APOBEC3F: variants seen among roughly 807,000 people sequenced by gnomAD.
The protein encoded by APOBEC3F is DNA dC->dU-editing enzyme APOBEC-3F.
APOBEC3F carries 34 observed loss-of-function variants against 45.8 expected under a neutral mutation model. The ratio of observed to expected loss-of-function variants is 0.74; its 90% CI spans 0.57 to 0.99. APOBEC3F has a LOEUF of 0.99. APOBEC3F is among the 50% of genes least tolerant of loss of function. The probability of loss-of-function intolerance (pLI) is 0.00; values close to 1 mark genes in which losing one functional copy is unlikely to be tolerated. For missense variants in APOBEC3F, 459 were observed against 474.1 expected (o/e 0.97, Z 0.30); for synonymous variants, 192 against 174.4 (o/e 1.10, Z -0.80).
At chr22:39,045,253 G>C in intron 3 of APOBEC3F, 33 bp downstream of exon 3, 5 of 1,607,288 alleles carry the variant, frequency 3.1e-6, no homozygotes, top group Non-Finnish European at 3.4e-6. Flanking sequence ...GAGCGTGAGC[G>C]GGAGGAACAG....
At chr22:39,043,428 G>C (rs1158700964) in intron 2 of APOBEC3F, among the ~76,000 whole-genome samples, 2 of 150,790 alleles carry the variant, frequency 1.3e-5, no homozygotes, top group Non-Finnish European at 2.9e-5. Context: ...AGACTCCCGA[G>C]TAGCTGGGAT....
Position 39,052,693 on chromosome 22 carries a change from T to G in APOBEC3F, c.1120T>G (p.Ter374GlyextTer12), listed in dbSNP as rs1043623974. ...CAGCAAGCTGCAGGAGATTCTCGAG[T>G]GAGGGGTCTCCCCGGGCCTCATGGT... ...LDSKLQEILE[*>G] The change falls in exon 7 of 7, where the codon TGA (stop) becomes GGA (glycine). Residue 374 changes from the stop codon to glycine, a stop_lost. Coordinates refer to ENST00000308521, the MANE Select transcript of APOBEC3F (RefSeq NM_145298.6). 1.2e-6 allele frequency: 2 copies of G among 1,612,324 alleles called. No homozygotes were observed. The highest frequency in any genetic ancestry group is 1.7e-6 in the Non-Finnish European group (2 of 1,178,814).
intron 2 of APOBEC3F, among the ~76,000 whole-genome samples, chr22:39,043,883 G>A (rs1175092793): frequency 1.3e-5 from 2 of 151,702 alleles, no homozygotes; most frequent in Admixed American, 6.6e-5. Flanking sequence ...AAATTAGCCC[G>A]GTGTGGTGGC....
intron 5 of APOBEC3F, among the ~76,000 whole-genome samples, chr22:39,051,671 G>A (rs1043319393): frequency 1.1e-4 from 16 of 152,108 alleles, no homozygotes; most frequent in African/African-American, 3.9e-4. Flanking sequence ...AAGAAAATAA[G>A]GCCATGCATG....
At chr22:39,048,873 T>C (rs1927344569) in intron 4 of APOBEC3F, among the ~76,000 whole-genome samples, 1 of 151,886 alleles carries the variant, frequency 6.6e-6, no homozygotes, top group South Asian at 2.1e-4. Flanking sequence ...TAATCCCAGC[T>C]ACTCAGGAGG....
Position 39,052,147 on chromosome 22 carries a change from A to T in APOBEC3F, c.797A>T (p.Asn266Ile), listed in dbSNP as rs1432945664. The T allele has an allele frequency of 1.2e-6, 2 of 1,613,938 alleles. No homozygotes were observed. Among genetic ancestry groups the T allele is most frequent in the East Asian group, 4.5e-5 (2 of 44,878 alleles). The change falls in exon 6 of 7, where the codon AAC becomes ATC. Residue 266 changes from asparagine to isoleucine, a missense_variant. Asn to Ile is a moderately radical substitution (Grantham distance 149). Transcript: ENST00000308521. ...TTCTGTGACGACATACTGTCTCCTA[A>T]CACAAACTACGAGGTCACCTGGTAC... ...SWFCDDILSP[N>I]TNYEVTWYTS...
Position 39,052,281 on chromosome 22 carries a change from G to T in APOBEC3F, c.931G>T (p.Asp311Tyr), listed in dbSNP as rs1314330782. The change falls in exon 6 of 7, where the codon GAT (aspartate) becomes TAT (tyrosine). Residue 311 changes from aspartate to tyrosine, a missense_variant. Asp to Tyr is a radical substitution (Grantham distance 160). Transcript: ENST00000308521. ...CACCGCCCGCCTCTACTACTTCTGG[G>T]ATACAGATTACCAGGAGGGGCTCCG... ...IFTARLYYFWDTDYQEGLRSL... is the reference protein window; with the variant it reads ...IFTARLYYFWYTDYQEGLRSL... The T allele has an allele frequency of 6.2e-7, 1 of 1,614,222 alleles. No individual in the cohort carries two copies. The highest frequency in any genetic ancestry group is 2.2e-5 in the East Asian group (1 of 44,880).
At position 39,049,453 on chromosome 22, in the gene APOBEC3F, A is replaced by T. The variant is rs1353766305; in HGVS notation, c.595A>T (p.Ile199Leu). 6.2e-7 allele frequency: 1 copy of T among 1,614,070 alleles called. No homozygotes were observed. The highest frequency in any genetic ancestry group is 1.1e-5 in the South Asian group (1 of 91,070). ...CCCGATGGAGGCAATGTATCCACAC[A>T]TATTCTACTTCCACTTTAAAAACCT... is the stretch of plus-strand genomic sequence containing the variant. Reference protein sequence around the residue: ...RNPMEAMYPHIFYFHFKNLRK... With the variant: ...RNPMEAMYPHLFYFHFKNLRK... Residue 199 changes from isoleucine to leucine, a missense_variant, in exon 5 of 7, where the codon ATA becomes TTA. By Grantham distance (5) the Ile-to-Leu change is conservative. Transcript: ENST00000308521.
rs569300570 is a variant in APOBEC3F at position 39,053,588 on chromosome 22, C to T, written c.*893C>T. 1.3e-5 allele frequency: 2 copies of T among 152,214 alleles called. No homozygotes were observed. Among genetic ancestry groups the T allele is most frequent in the African/African-American group, 4.8e-5 (2 of 41,538 alleles). 9.4% of individuals were successfully genotyped at this position (152,214 alleles called of 1,614,324 possible). On this transcript the variant is annotated 3_prime_UTR_variant, in exon 7 of 7. Transcript: ENST00000308521. The stretch of plus-strand genomic sequence containing the variant: ...TGAGATCACGTCACTGAACTCCAGT[C>T]TGAGCAACAGATCGAGACCCTGCCT...
intron 5 of APOBEC3F, among the ~76,000 whole-genome samples, chr22:39,051,750 G>A (rs921883134): frequency 1.3e-5 from 2 of 151,732 alleles, no homozygotes; most frequent in Admixed American, 6.6e-5. Flanking sequence ...CCAAGAGTTC[G>A]AGATCAGCCT....
Position 39,045,327 on chromosome 22 carries a change from G to A in APOBEC3F, c.452-101G>A, listed in dbSNP as rs536127727. 208 of 1,602,496 alleles carry A rather than the reference G, an allele frequency of 1.3e-4. 2 individuals carry two copies. The South Asian group carries it at 1.9e-3, about 15-fold the overall frequency. On this transcript the variant is annotated intron_variant, in intron 3 of 6. Coordinates refer to ENST00000308521, the MANE Select transcript of APOBEC3F (RefSeq NM_145298.6). Reference sequence around the variant, plus strand: ...GTGTCCCAGGGCAGCCTGCAGGGGCGGGGCCAGCACTGACAGCAACTGACA... The same window carrying A: ...GTGTCCCAGGGCAGCCTGCAGGGGCAGGGCCAGCACTGACAGCAACTGACA...
At position 39,049,573 on chromosome 22, in the gene APOBEC3F, C is replaced by G; in HGVS notation, c.715C>G (p.Arg239Gly). The change falls in exon 5 of 7, where the codon CGA becomes GGA. Residue 239 changes from arginine (R) to glycine (G), a missense_variant. Physicochemically the swap from Arg to Gly is moderately radical, Grantham distance 125 (BLOSUM62 -2). Transcript: ENST00000308521. ...SPVSWKRGVFRNQVDPETHCH... is the reference protein window; with the variant it reads ...SPVSWKRGVFGNQVDPETHCH... ...TGTCTCCTGGAAGAGGGGCGTCTTC[C>G]GAAACCAGGTAGCACCAAAGTCCTA... 1 of 1,613,998 alleles carries G rather than the reference C, an allele frequency of 6.2e-7. No homozygotes were observed. Among genetic ancestry groups the G allele is most frequent in the African/African-American group, 1.3e-5 (1 of 75,000 alleles).
rs998624053 is a variant in APOBEC3F, at chr22:39,045,358, G to A, written c.452-70G>A. On this transcript the variant is annotated intron_variant, in intron 3 of 6. Coordinates refer to ENST00000308521, the MANE Select transcript of APOBEC3F (RefSeq NM_145298.6). ...AGCACTGACAGCAACTGACAGCCAGGAGACCAGGCCTGGGAGCGCGGGCCC... is the reference window on the plus strand; with the variant it reads ...AGCACTGACAGCAACTGACAGCCAGAAGACCAGGCCTGGGAGCGCGGGCCC... 6.8e-6 allele frequency: 11 copies of A among 1,610,390 alleles called. No homozygotes were observed. The African/African-American group carries it at 1.1e-4, about 16-fold the overall frequency.
At position 39,045,467 on chromosome 22, in the gene APOBEC3F, G is replaced by T; in HGVS notation, c.491G>T (p.Gly164Val). The change falls in exon 4 of 7, where the codon GGT (glycine) becomes GTT (valine). Residue 164 changes from glycine (G) to valine (V), a missense_variant. Coordinates refer to ENST00000308521, the MANE Select transcript of APOBEC3F (RefSeq NM_145298.6). ...YCWENFVYSEGQPFMPWYKFD... is the reference protein window; with the variant it reads ...YCWENFVYSEVQPFMPWYKFD... ...TGGGAAAACTTTGTGTACAGTGAAGGTCAGCCATTCATGCCTTGGTACAAA... is the reference window on the plus strand; with the variant it reads ...TGGGAAAACTTTGTGTACAGTGAAGTTCAGCCATTCATGCCTTGGTACAAA... 6.2e-7 allele frequency: 1 copy of T among 1,614,114 alleles called. No homozygotes were observed. Among genetic ancestry groups the T allele is most frequent in the South Asian group, 1.1e-5 (1 of 91,084 alleles).
At chr22:39,052,042 G>A (rs1927513641) in intron 5 of APOBEC3F, 32 bp from the exon 6 acceptor site, 1 of 1,609,710 alleles carries the variant, frequency 6.2e-7, no homozygotes, top group African/African-American at 1.3e-5. Flanking sequence ...CCTAGTCTGA[G>A]CTCCCCTGCC....
At position 39,053,231 on chromosome 22, in the gene APOBEC3F, G is replaced by A. The variant is rs1048194527; in HGVS notation, c.*536G>A. On this transcript the variant is annotated 3_prime_UTR_variant, in exon 7 of 7. Transcript: ENST00000308521. ...GGCTGGTCTTGAACTCCTGACCTCA[G>A]GTGATCCGCCTATCTCAGCCTCCCA... 2 of 151,766 alleles carry A rather than the reference G, an allele frequency of 1.3e-5. No individual in the cohort carries two copies. Among genetic ancestry groups the A allele is most frequent in the African/African-American group, 2.4e-5 (1 of 41,258 alleles). The allele number at this position is 151,766 out of a possible 1,614,324, so 9.4% of individuals were successfully genotyped here.
chr22:39,042,899 G>A (rs753971965), intron 1 of APOBEC3F, 38 bp from the exon 2 acceptor site: 54 of 1,611,800 alleles, frequency 3.4e-5, no homozygotes, highest in South Asian at 2.2e-5. Context: ...TCCCGGGAGC[G>A]CTCTCTACAT....
chr22:39,044,805 A>AG, intron 2 of APOBEC3F, 136 bp from the exon 3 acceptor site: 15 of 819,292 alleles, frequency 1.8e-5, no homozygotes, highest in Non-Finnish European at 2.9e-5. Flanking sequence ...CAAACTAAAC[A>AG]GGGGGGATGG....
Position 39,052,303 on chromosome 22 carries a change from T to A in APOBEC3F, c.953T>A (p.Leu318His). Residue 318 changes from leucine to histidine, a missense_variant, in exon 6 of 7, where the codon CTC becomes CAC. Physicochemically the swap from Leu to His is moderately conservative, Grantham distance 99 (BLOSUM62 -3). Coordinates refer to ENST00000308521, the MANE Select transcript of APOBEC3F (RefSeq NM_145298.6). Reference protein sequence around the residue: ...YFWDTDYQEGLRSLSQEGASV... With the variant: ...YFWDTDYQEGHRSLSQEGASV... ...TGGGATACAGATTACCAGGAGGGGC[T>A]CCGCAGCCTGAGTCAGGAAGGGGCC... is the stretch of plus-strand genomic sequence containing the variant. 1 of 1,614,144 alleles carries A rather than the reference T, an allele frequency of 6.2e-7. No individual in the cohort carries two copies. The highest frequency in any genetic ancestry group is 2.2e-5 in the East Asian group (1 of 44,868).
Sources: allele counts gnomAD v4.1 joint callset (sites outside exome capture counted in the v4.1 genomes callset), GRCh38; gene constraint gnomAD v4.1.1; transcripts MANE v1.5; gene names NCBI Gene and HGNC (gene_info 2026-07-23, HGNC 2026-07-21).